The following F8 variants were observed in gnomAD, a reference collection of about 807,000 sequenced individuals.
The protein encoded by F8 is coagulation factor VIII.
In F8, 12 loss-of-function variants were observed where a neutral mutation model predicts 140.6. That is an observed-to-expected ratio of 0.09 (90% CI 0.05 to 0.14). The LOEUF (loss-of-function observed/expected upper bound fraction) is 0.14, where lower values mean the gene tolerates loss of function less well. F8 is among the 10% of genes least tolerant of loss of function. The pLI is 1.00. For synonymous variants in F8, 585 were observed against 614.6 expected, an observed-to-expected ratio of 0.95 and a Z score of 0.71; for missense variants, 1,354 against 1,720.7, an observed-to-expected ratio of 0.79 and a Z score of 3.77.
At chrX:154,839,584 G>A (rs1421977042) in intron 25 of F8, among the ~76,000 whole-genome samples, 20 of 110,335 alleles carry the variant, frequency 1.8e-4, no homozygotes, top group Non-Finnish European at 1.1e-4. Context: ...GGATGGTCTT[G>A]ATCTCCTGAC....
chrX:154,941,887 G>GA (rs1401439057), intron 13 of F8, among the ~76,000 whole-genome samples: 1 of 104,736 alleles, frequency 9.5e-6, no homozygotes, highest in African/African-American at 3.5e-5. Flanking sequence ...CAACTACATG[G>GA]AAACTGAACA....
At chrX:154,839,488 A>G (rs375604014) in intron 25 of F8, among the ~76,000 whole-genome samples, 47 of 107,596 alleles carry the variant, frequency 4.4e-4, no homozygotes, top group South Asian at 1.2e-3. Context: ...TCAGCCTCCC[A>G]AGTAGCTGGG....
At chrX:154,838,283 T>G (rs1310174914) in intron 25 of F8, among the ~76,000 whole-genome samples, 1 of 110,688 alleles carries the variant, frequency 9.0e-6, no homozygotes, top group Non-Finnish European at 1.9e-5. Context: ...GTGGGAAGAG[T>G]CTAAGACTCA....
chrX:154,910,233 A>C (rs1015503192), intron 14 of F8, among the ~76,000 whole-genome samples: 1 of 111,595 alleles, frequency 9.0e-6, no homozygotes, highest in Non-Finnish European at 1.9e-5. Flanking sequence ...ATGGAATACT[A>C]TGCAGCCATA....
intron 22 of F8, among the ~76,000 whole-genome samples, chrX:154,891,868 G>A (rs1422283175): frequency 8.9e-6 from 1 of 111,857 alleles, no homozygotes; most frequent in Non-Finnish European, 1.9e-5. Flanking sequence ...CCTGGCTTTC[G>A]TAGTGTCCAA....
intron 4 of F8, among the ~76,000 whole-genome samples, chrX:154,988,065 T>C (rs1557284399): frequency 8.9e-6 from 1 of 111,906 alleles, no homozygotes. Context: ...GAGACATAGA[T>C]AAAGCTAACT....
chrX:154,945,751 C>G lies in F8; in HGVS notation c.2113+1947G>C, dbSNP rs782381548. Among the ~76,000 whole-genome samples the G allele has an allele frequency of 3.0e-3, 333 of 111,361 alleles. 1 individual carries two copies. Among genetic ancestry groups the G allele is most frequent in the African/African-American group, 0.01 (319 of 30,715 alleles). ...GGAAGTCCAAGCCAGAACAAGTAAG[C>G]AAGAGAAAGAAATAAAGGGTACCCA... is the stretch of plus-strand genomic sequence containing the variant. On this transcript the variant is annotated intron_variant, in intron 13 of 25. Transcript: ENST00000360256.
chrX:155,008,260 G>C (rs2073686592), intron 1 of F8, among the ~76,000 whole-genome samples: 1 of 111,895 alleles, frequency 8.9e-6, no homozygotes, highest in Non-Finnish European at 1.9e-5. Flanking sequence ...GGGAATCAAA[G>C]AGTGGCAGCA....
chrX:154,909,034 G>A, intron 14 of F8: 1 of 228,815 alleles, frequency 4.4e-6, no homozygotes. Flanking sequence ...TGCTTCCGTT[G>A]GCGAGTCATT....
chrX:154,918,821 T>C (rs1179601533), intron 14 of F8: 1 of 93,994 alleles, frequency 1.1e-5, no homozygotes, highest in African/African-American at 4.3e-5. Context: ...ATAAAGCCCC[T>C]GTGTGCTGGG....
At chrX:154,870,849 T>C (rs1203120781) in intron 22 of F8, among the ~76,000 whole-genome samples, 1 of 111,888 alleles carries the variant, frequency 8.9e-6, no homozygotes, top group Non-Finnish European at 1.9e-5. Flanking sequence ...TTCAGTAAAG[T>C]CTCAGGGTAC....
intron 1 of F8, among the ~76,000 whole-genome samples, chrX:155,021,858 C>A (rs1304652522): frequency 5.4e-5 from 6 of 111,710 alleles, no homozygotes. Flanking sequence ...TCTGAATCAA[C>A]TGATGACCAT....
intron 12 of F8, among the ~76,000 whole-genome samples, chrX:154,949,272 C>T (rs781867415): frequency 1.8e-5 from 2 of 111,722 alleles, no homozygotes; most frequent in Non-Finnish European, 3.8e-5. Context: ...CAGTCTCAGC[C>T]GATTATAGCA....
intron 25 of F8, among the ~76,000 whole-genome samples, chrX:154,852,223 T>A (rs974541051): frequency 9.1e-6 from 1 of 110,366 alleles, no homozygotes; most frequent in Admixed American, 9.7e-5. Context: ...GTGTGTACCA[T>A]CATGCCAGCT....
intron 1 of F8, among the ~76,000 whole-genome samples, chrX:155,016,189 G>C (rs1208988266): frequency 9.2e-6 from 1 of 108,759 alleles, no homozygotes; most frequent in Non-Finnish European, 1.9e-5. Flanking sequence ...CTGAGATTGC[G>C]CCACTGCACT....
At chrX:154,892,411 A>T (rs1237931263) in intron 22 of F8, among the ~76,000 whole-genome samples, 33 of 112,518 alleles carry the variant, frequency 2.9e-4, no homozygotes, top group Non-Finnish European at 1.5e-4. Flanking sequence ...TGCCACTGTC[A>T]TTTAATCTCC....
intron 20 of F8, 71 bp downstream of exon 20, chrX:154,901,300 G>A (rs781919233): frequency 4.2e-5 from 30 of 714,304 alleles, no homozygotes; most frequent in Non-Finnish European, 6.1e-5. Context: ...CATTATCTGA[G>A]ATTCTCCACC....
intron 2 of F8, among the ~76,000 whole-genome samples, chrX:154,997,629 G>A (rs782172111): frequency 1.3e-4 from 14 of 111,609 alleles, no homozygotes; most frequent in Non-Finnish European, 1.7e-4. Flanking sequence ...AAATGCAAAC[G>A]TCCAGAGGCA....
intron 13 of F8, among the ~76,000 whole-genome samples, chrX:154,940,913 C>T (rs1477016496): frequency 8.9e-6 from 1 of 111,791 alleles, no homozygotes; most frequent in East Asian, 2.8e-4. Context: ...TCCAGCCAAA[C>T]TAAGCTTCAT....
Sources: gnomAD v4.1 joint callset for allele counts (sites outside exome capture counted in the v4.1 genomes callset) on GRCh38, gnomAD v4.1.1 for gene constraint, MANE v1.5 for transcripts, NCBI Gene and HGNC (gene_info 2026-07-23, HGNC 2026-07-21) for gene names.